Variants in WWOX observed in about 807,000 individuals in gnomAD.
WWOX encodes WW domain containing oxidoreductase.
Under a neutral mutation model 46.2 loss-of-function variants are expected in WWOX, and 69 were observed. The observed-to-expected ratio is 1.49, with a 90% CI of 1.23 to 1.82. WWOX has a LOEUF of 1.82. WWOX is among the 40% of genes most tolerant of loss of function. WWOX has a pLI of 0.00. For missense variants in WWOX, 919 were observed against 542.6 expected (o/e 1.69, Z -6.89); for synonymous variants, 359 against 202.6 (o/e 1.77, Z -6.56).
At chr16:79,157,374 G>C (rs1196488503) in intron 8 of WWOX, among the ~76,000 whole-genome samples, 1 of 151,422 alleles carries the variant, frequency 6.6e-6, no homozygotes, top group East Asian at 1.9e-4. Flanking sequence ...AGTGAGCCTT[G>C]GTCAAGTCTC....
chr16:78,115,166 A>C lies in WWOX; in HGVS notation c.409+12A>C, dbSNP rs768417393. ...TAATTCAGGAATAGGTAGGCTCTTC[A>C]CTTAGTTATTTATCTTTGGGACTGC... On this transcript the variant is annotated intron_variant, in intron 4 of 8. Coordinates refer to ENST00000566780, the MANE Select transcript of WWOX (RefSeq NM_016373.4). 6.2e-7 allele frequency: 1 copy of C among 1,614,046 alleles called. No homozygotes were observed. Among genetic ancestry groups the C allele is most frequent in the Non-Finnish European group, 8.5e-7 (1 of 1,179,990 alleles).
At chr16:79,006,908 A>G (rs144442064) in intron 8 of WWOX, among the ~76,000 whole-genome samples, 8 of 152,242 alleles carry the variant, frequency 5.3e-5, no homozygotes, top group African/African-American at 1.9e-4. Context: ...CACCCACTGG[A>G]TGACCCAGAA....
intron 8 of WWOX, among the ~76,000 whole-genome samples, chr16:78,839,326 C>G (rs908802786): frequency 2.0e-5 from 3 of 152,108 alleles, no homozygotes; most frequent in Non-Finnish European, 4.4e-5. Context: ...GTAATTACAT[C>G]TAACTATCCC....
rs563877730 is a variant in WWOX at position 78,349,376 on chromosome 16, C to A, written c.517-37484C>A. ...CTTCAGCATATGAATTTTGGGGAAA[C>A]AGAATCCAGCTAACAACAGTTGGGG... is the stretch of plus-strand genomic sequence containing the variant. On this transcript the variant is annotated intron_variant, in intron 5 of 8. Transcript: ENST00000566780. 7.9e-4 allele frequency among the ~76,000 whole-genome samples: 96 copies of A among 121,178 alleles called. 22 individuals are homozygous for A. Among genetic ancestry groups the A allele is most frequent in the African/African-American group, 2.6e-3 (92 of 35,778 alleles). 79.5% of individuals were successfully genotyped at this position (121,178 alleles called of 152,430 possible). A position where few individuals can be genotyped will look rare whatever the true frequency, so the allele number is the denominator to read the frequency against.
chr16:78,356,050 A>G (rs1248214586), intron 5 of WWOX, among the ~76,000 whole-genome samples: 2 of 139,988 alleles, frequency 1.4e-5, no homozygotes, highest in Non-Finnish European at 3.1e-5. Context: ...AATAAATATG[A>G]CCACCAAGAT....
At chr16:79,020,830 T>G (rs547754681) in intron 8 of WWOX, among the ~76,000 whole-genome samples, 37 of 152,270 alleles carry the variant, frequency 2.4e-4, no homozygotes, top group African/African-American at 8.7e-4. Context: ...GTGGTCACTT[T>G]GAGGTTTGAT....
At chr16:78,252,772 T>C (rs2151829786) in intron 5 of WWOX, among the ~76,000 whole-genome samples, 1 of 152,322 alleles carries the variant, frequency 6.6e-6, no homozygotes, top group East Asian at 1.9e-4. Flanking sequence ...TTTATAGGAT[T>C]ATAGCAAATC....
intron 8 of WWOX, among the ~76,000 whole-genome samples, chr16:79,093,120 C>T (rs1032023703): frequency 1.2e-4 from 19 of 152,058 alleles, no homozygotes; most frequent in African/African-American, 4.1e-4. Context: ...ATTTCATAGA[C>T]AAGTCTACAT....
At chr16:78,550,578 T>C (rs1211607787) in intron 8 of WWOX, among the ~76,000 whole-genome samples, 1 of 152,256 alleles carries the variant, frequency 6.6e-6, no homozygotes, top group African/African-American at 2.4e-5. Context: ...TATTTTCTAC[T>C]ATGGATGAAT....
chr16:78,797,405 C>T (rs1233768361), intron 8 of WWOX, among the ~76,000 whole-genome samples: 1 of 143,252 alleles, frequency 7.0e-6, no homozygotes, highest in African/African-American at 2.7e-5. Context: ...AAAAAGGCAG[C>T]CCCGACAGGT....
chr16:79,109,492 G>A (rs1597384084), intron 8 of WWOX, among the ~76,000 whole-genome samples: 1 of 152,180 alleles, frequency 6.6e-6, no homozygotes, highest in Non-Finnish European at 1.5e-5. Context: ...AAGGATTTAT[G>A]TTGTTAATCC....
At chr16:78,580,008 C>T (rs995553476) in intron 8 of WWOX, among the ~76,000 whole-genome samples, 1 of 152,090 alleles carries the variant, frequency 6.6e-6, no homozygotes, top group Non-Finnish European at 1.5e-5. Flanking sequence ...TCTTTGTGCA[C>T]ATTCCTGCTT....
intron 8 of WWOX, among the ~76,000 whole-genome samples, chr16:78,610,502 A>G (rs758221051): frequency 3.3e-5 from 5 of 152,252 alleles, no homozygotes; most frequent in Non-Finnish European, 7.4e-5. Flanking sequence ...CTTTAAAGCT[A>G]TAGTGTTGGG....
At chr16:78,294,351 C>G (rs867966665) in intron 5 of WWOX, among the ~76,000 whole-genome samples, 1 of 152,088 alleles carries the variant, frequency 6.6e-6, no homozygotes, top group Admixed American at 6.5e-5. Context: ...ACTGATGAGC[C>G]CCTTCCACTC....
intron 5 of WWOX, among the ~76,000 whole-genome samples, chr16:78,227,359 C>G (rs1050553976): frequency 1.9e-4 from 29 of 152,278 alleles, no homozygotes; most frequent in Non-Finnish European, 3.5e-4. Context: ...ACCTGAGACT[C>G]TCCGCCCATA....
In WWOX at chr16:78,364,692, T is replaced by C. The variant is rs963395119; in HGVS notation, c.517-22168T>C. Among the ~76,000 whole-genome samples the C allele has an allele frequency of 2.6e-5, 4 of 152,312 alleles. No homozygotes were observed. In the East Asian group the frequency reaches 7.7e-4, roughly 29 times the overall value. On this transcript the variant is annotated intron_variant, in intron 5 of 8. Transcript: ENST00000566780. ...TAATACAGAACATAATTTGTCACTT[T>C]GTAAATACATTCCAGTCTAAATCCC... is the stretch of plus-strand genomic sequence containing the variant.
At chr16:78,561,516 A>G (rs1479625321) in intron 8 of WWOX, among the ~76,000 whole-genome samples, 1 of 152,166 alleles carries the variant, frequency 6.6e-6, no homozygotes, top group African/African-American at 2.4e-5. Context: ...AACTGGAAGA[A>G]TGCATGCGTA....
At chr16:78,127,922 C>A (rs1198402055) in intron 4 of WWOX, among the ~76,000 whole-genome samples, 1 of 152,156 alleles carries the variant, frequency 6.6e-6, no homozygotes, top group Non-Finnish European at 1.5e-5. Flanking sequence ...GTCACTTAAC[C>A]ATCTGAGCCT....
intron 8 of WWOX, among the ~76,000 whole-genome samples, chr16:78,444,167 A>G (rs2083506996): frequency 6.6e-6 from 1 of 152,178 alleles, no homozygotes; most frequent in Admixed American, 6.5e-5. Flanking sequence ...AGCTGAGCAC[A>G]TGTTCCCAGC....
Sources: allele counts gnomAD v4.1 joint callset (sites outside exome capture counted in the v4.1 genomes callset), GRCh38; gene constraint gnomAD v4.1.1; transcripts MANE v1.5; gene names NCBI Gene and HGNC (gene_info 2026-07-23, HGNC 2026-07-21).